The following SLC35G1 variants were observed in gnomAD, a reference collection of about 807,000 sequenced individuals.
The protein encoded by SLC35G1 is partner of STIM1.
Under a neutral mutation model 17.1 loss-of-function variants are expected in SLC35G1, and 10 were observed. That is an observed-to-expected ratio of 0.59 (90% CI 0.36 to 0.99). The LOEUF (loss-of-function observed/expected upper bound fraction) is 0.99, where lower values mean the gene tolerates loss of function less well. SLC35G1 is among the 50% of genes least tolerant of loss of function. The probability of loss-of-function intolerance (pLI) is 0.01; values close to 1 mark genes in which losing one functional copy is unlikely to be tolerated. For synonymous variants in SLC35G1, 185 were observed against 181.1 expected (o/e 1.02, Z -0.18); for missense variants, 433 against 468.4 (o/e 0.92, Z 0.70).
At chr10:93,899,658 C>G (rs1320306927) in intron 2 of SLC35G1, among the ~76,000 whole-genome samples, 2 of 152,180 alleles carry the variant, frequency 1.3e-5, no homozygotes, top group Admixed American at 6.5e-5. Flanking sequence ...TAGTTTCACT[C>G]CATATCCTGA....
At chr10:93,895,252 T>C (rs2060318524) in intron 1 of SLC35G1, among the ~76,000 whole-genome samples, 1 of 152,172 alleles carries the variant, frequency 6.6e-6, no homozygotes, top group Non-Finnish European at 1.5e-5. Flanking sequence ...AGACAGACTC[T>C]AGGAAGACTA....
chr10:93,906,578 A>G (rs2134074477), downstream of SLC35G1, among the ~76,000 whole-genome samples: 1 of 152,354 alleles, frequency 6.6e-6, no homozygotes, highest in African/African-American at 2.4e-5. Flanking sequence ...ATTGTCTTGG[A>G]TATGTATGTA....
At chr10:93,898,417 TG>T (rs1033912200) in intron 1 of SLC35G1, among the ~76,000 whole-genome samples, 153 bp from the exon 2 acceptor site, 3 of 152,196 alleles carry the variant, frequency 2.0e-5, no homozygotes, top group African/African-American at 7.2e-5. Flanking sequence ...TCATAATTGA[TG>T]GGGAAAATGG....
rs200454872 is a variant in SLC35G1 at position 93,901,457 on chromosome 10, G to C, written c.1065G>C (p.Ala355=). 6.3e-7 allele frequency: 1 copy of C among 1,598,626 alleles called. No individual in the cohort carries two copies. The highest frequency in any genetic ancestry group is 8.5e-7 in the Non-Finnish European group (1 of 1,173,988). The change falls in exon 3 of 3, where the codon GCG becomes GCC. Residue 355 remains alanine (A), a synonymous_variant. Coordinates refer to ENST00000427197, the MANE Select transcript of SLC35G1 (RefSeq NM_001134658.3). The part of the protein sequence containing the change: ...ALCVVASNVG[A]AIRKWYQSSK The stretch of plus-strand genomic sequence containing the variant: ...GCGTAGTAGCCAGTAATGTTGGAGC[G>C]GCCATTCGTAAATGGTACCAAAGTT...
At chr10:93,895,298 A>G (rs1048127738) in intron 1 of SLC35G1, among the ~76,000 whole-genome samples, 1 of 152,226 alleles carries the variant, frequency 6.6e-6, no homozygotes, top group African/African-American at 2.4e-5. Context: ...GCAAACCGAA[A>G]TGATCAGACT....
intron 1 of SLC35G1, among the ~76,000 whole-genome samples, chr10:93,894,862 CAAAGTGAGGCCCAGG>C (rs1037180319): frequency 8.5e-5 from 13 of 152,136 alleles, no homozygotes; most frequent in African/African-American, 2.9e-4. Flanking sequence ...GACACATGAG[CAAAGTGAGGCCCAGG>C]AAGGTGAGGG....
downstream of SLC35G1, among the ~76,000 whole-genome samples, chr10:93,905,067 C>A (rs12246224): frequency 2.9e-3 from 444 of 152,278 alleles, 3 homozygotes; most frequent in African/African-American, 0.01. Flanking sequence ...TACCACCTTT[C>A]CAGTTCTGGC....
chr10:93,906,762 C>T (rs1208350749), downstream of SLC35G1, among the ~76,000 whole-genome samples: 1 of 152,130 alleles, frequency 6.6e-6, no homozygotes, highest in Non-Finnish European at 1.5e-5. Flanking sequence ...TCTAAACCAA[C>T]TGTTTTCAAA....
downstream of SLC35G1, chr10:93,906,274 G>A (rs1184798912): frequency 6.6e-6 from 1 of 152,236 alleles, no homozygotes; most frequent in Non-Finnish European, 1.5e-5. Context: ...GAGGAAGCCT[G>A]GGCTACATGG....
chr10:93,895,850 G>A (rs2060324340), intron 1 of SLC35G1, among the ~76,000 whole-genome samples: 1 of 152,146 alleles, frequency 6.6e-6, no homozygotes, highest in Admixed American at 6.5e-5. Flanking sequence ...ACTGAAGCAA[G>A]GAGAAGTAGT....
chr10:93,895,465 T>TA lies in SLC35G1; in HGVS notation c.178+1257dup, dbSNP rs202026004. ...TGCCGAATCAGTCCATGCAAACTCTTAAAGTTTCCCCTTTTTGTGAATGGA... is the reference window on the plus strand; with the variant it reads ...TGCCGAATCAGTCCATGCAAACTCTTAAAAGTTTCCCCTTTTTGTGAATGGA... On this transcript the variant is annotated intron_variant, in intron 1 of 2. Transcript: ENST00000427197. Among the ~76,000 whole-genome samples the TA allele has an allele frequency of 1.1e-4, 16 of 152,294 alleles. No homozygotes were observed. In the East Asian group the frequency reaches 1.2e-3, roughly 11 times the overall value.
chr10:93,906,061 T>G (rs1352138985), downstream of SLC35G1, among the ~76,000 whole-genome samples: 1 of 152,150 alleles, frequency 6.6e-6, no homozygotes, highest in Non-Finnish European at 1.5e-5. Context: ...TACTTGACCA[T>G]GATTTAAGAT....
At chr10:93,905,007 C>G (rs2060419429), downstream of SLC35G1, among the ~76,000 whole-genome samples, 1 of 152,156 alleles carries the variant, frequency 6.6e-6, no homozygotes, top group Non-Finnish European at 1.5e-5. Context: ...CCTAGCTGAT[C>G]TTCCCATATA....
chr10:93,909,174 G>A (rs796183356), exon 3 of SLC35G1: 7 of 152,288 alleles, frequency 4.6e-5, no homozygotes, highest in African/African-American at 1.7e-4. Flanking sequence ...GGCTCCTTCA[G>A]TCCCTGCAAC....
At chr10:93,896,729 G>C (rs376362135) in intron 1 of SLC35G1, among the ~76,000 whole-genome samples, 1 of 152,174 alleles carries the variant, frequency 6.6e-6, no homozygotes, top group African/African-American at 2.4e-5. Context: ...AAGGGGAAAG[G>C]TCACTAGGGC....
intron 1 of SLC35G1, among the ~76,000 whole-genome samples, chr10:93,895,125 C>T (rs2060317517): frequency 6.6e-6 from 1 of 152,194 alleles, no homozygotes; most frequent in African/African-American, 2.4e-5. Flanking sequence ...GACAGTTACA[C>T]GGCCTGCACC....
In SLC35G1 at chr10:93,900,783, A is replaced by AT; in HGVS notation, c.395dup (p.Leu133ProfsTer26). ...GTTTATAGGCCCAAAAGGTCAACGA[A>AT]TTTTCCTCATTCTCAGAGGAGTCCT... On this transcript the variant is annotated frameshift_variant, in exon 3 of 3. Transcript: ENST00000427197. LOFTEE classifies it low-confidence loss of function (END_TRUNC). 1 of 1,608,954 alleles carries AT rather than the reference A, an allele frequency of 6.2e-7. No homozygotes were observed. The highest frequency in any genetic ancestry group is 8.5e-7 in the Non-Finnish European group (1 of 1,176,064).
At chr10:93,896,854 A>T (rs1486536433) in intron 1 of SLC35G1, among the ~76,000 whole-genome samples, 1 of 152,176 alleles carries the variant, frequency 6.6e-6, no homozygotes, top group Non-Finnish European at 1.5e-5. Context: ...CAGAGCAGGG[A>T]GATGTTTTCT....
chr10:93,901,031 G>T lies in SLC35G1; in HGVS notation c.639G>T (p.Gly213=). The T allele has an allele frequency of 6.2e-7, 1 of 1,614,124 alleles. No homozygotes were observed. The highest frequency in any genetic ancestry group is 8.5e-7 in the Non-Finnish European group (1 of 1,179,994). ...TTTTGTTTGGTTCCGACACTTCGGG[G>T]ATGGAAGAAAGCTATTCAGGCCACC... ...PPFLFGSDTS[G]MEESYSGHLK... is the part of the protein sequence containing the mutation. Residue 213 remains glycine, a synonymous_variant, in exon 3 of 3, where the codon GGG becomes GGT. Coordinates refer to ENST00000427197, the MANE Select transcript of SLC35G1 (RefSeq NM_001134658.3).
Sources: gnomAD v4.1 joint callset for allele counts (sites outside exome capture counted in the v4.1 genomes callset) on GRCh38, gnomAD v4.1.1 for gene constraint, MANE v1.5 for transcripts, NCBI Gene and HGNC (gene_info 2026-07-23, HGNC 2026-07-21) for gene names.